The following CCNB3 variants were observed in gnomAD, a reference collection of about 807,000 sequenced individuals.
CCNB3 encodes the protein cyclin B3, also known as G2/mitotic-specific cyclin-B3.
Under a neutral mutation model 68.0 loss-of-function variants are expected in CCNB3, and 12 were observed. The observed-to-expected ratio is 0.18, with a 90% confidence interval of 0.11 to 0.29. The LOEUF (loss-of-function observed/expected upper bound fraction) is 0.29, where lower values mean the gene tolerates loss of function less well. Ranked by LOEUF, CCNB3 falls within the 10% of genes least tolerant of loss-of-function variation. The pLI is 1.00. For synonymous variants in CCNB3, 354 were observed against 388.9 expected (o/e 0.91, Z 1.06); for missense variants, 904 against 993.1 (o/e 0.91, Z 1.21).
chrX:50,226,807 A>G (rs1260399729), intron 1 of CCNB3, among the ~76,000 whole-genome samples: 156 of 77,547 alleles, frequency 2.0e-3, no homozygotes, highest in Non-Finnish European at 3.2e-3. Context: ...ATATATATAT[A>G]GAGTATATAT....
intron 8 of CCNB3, among the ~76,000 whole-genome samples, chrX:50,337,928 G>A (rs1271052025): frequency 1.8e-5 from 2 of 112,248 alleles, no homozygotes; most frequent in Non-Finnish European, 3.8e-5. Context: ...GTGCAGGCAC[G>A]TCATGGGTGA....
intron 5 of CCNB3, among the ~76,000 whole-genome samples, chrX:50,305,941 CTTTTT>C (rs782315666): frequency 1.2e-5 from 1 of 81,243 alleles, no homozygotes; most frequent in African/African-American, 4.6e-5. Flanking sequence ...ACCACACCAG[CTTTTT>C]TTTTTTTTTT....
At chrX:50,349,010 C>G (rs1557220780) in intron 11 of CCNB3, among the ~76,000 whole-genome samples, 2 of 112,923 alleles carry the variant, frequency 1.8e-5, no homozygotes, top group African/African-American at 6.4e-5. Flanking sequence ...GGTGACTAAA[C>G]CAGGGCATAT....
At chrX:50,203,570 C>T (rs1348800901), upstream of CCNB3, among the ~76,000 whole-genome samples, 1 of 112,382 alleles carries the variant, frequency 8.9e-6, no homozygotes, top group African/African-American at 3.2e-5. Flanking sequence ...TTCATGCAAC[C>T]ATACTAAAGT....
chrX:50,280,031 A>C (rs1300643540), intron 1 of CCNB3, among the ~76,000 whole-genome samples: 1 of 84,439 alleles, frequency 1.2e-5, no homozygotes, highest in Non-Finnish European at 2.1e-5. Flanking sequence ...AATATATATA[A>C]ATATATAGAC....
At chrX:50,296,852 T>C (rs1341348804) in intron 5 of CCNB3, among the ~76,000 whole-genome samples, 1 of 106,931 alleles carries the variant, frequency 9.4e-6, no homozygotes, top group Non-Finnish European at 1.9e-5. Context: ...CTCATTGTGG[T>C]TTTGATTTGC....
At chrX:50,279,543 ATATATATAAATATATGAATATATATTTTC>A (rs1486938743) in intron 1 of CCNB3, among the ~76,000 whole-genome samples, 1 of 84,841 alleles carries the variant, frequency 1.2e-5, no homozygotes, top group East Asian at 3.4e-4. Context: ...ATATATATTC[ATATATATAAATATATGAATATATATTTTC>A]TATATATAAA....
intron 3 of CCNB3, among the ~76,000 whole-genome samples, chrX:50,286,904 T>C (rs1936250435): frequency 8.9e-6 from 1 of 112,497 alleles, no homozygotes; most frequent in Admixed American, 9.4e-5. Context: ...CGCCTCAGCC[T>C]CCCAAAGTGC....
intron 11 of CCNB3, 123 bp downstream of exon 11, chrX:50,347,898 A>G (rs1265581895): frequency 3.1e-6 from 2 of 655,645 alleles, no homozygotes; most frequent in African/African-American, 4.5e-5. Flanking sequence ...CATATTCACC[A>G]CTGTGAACTC....
intron 5 of CCNB3, among the ~76,000 whole-genome samples, chrX:50,298,154 A>C (rs1353513579): frequency 9.0e-6 from 1 of 111,481 alleles, no homozygotes; most frequent in Non-Finnish European, 1.9e-5. Flanking sequence ...CCTGGCCAGA[A>C]CTTCCAACAC....
In CCNB3 at chrX:50,227,442, A is replaced by C. The variant is rs917709887; in HGVS notation, c.-113+22492A>C. ...ATTTATAAATATATACAGAGAATAT[A>C]TACAAATATATATAGAGAATATATA... On this transcript the variant is annotated intron_variant, in intron 1 of 12. Transcript: ENST00000376042. Among the ~76,000 whole-genome samples the C allele has an allele frequency of 1.0e-4, 9 of 88,561 alleles. No homozygotes were observed. The Admixed American group carries it at 1.3e-3, about 12-fold the overall frequency. The allele number at this position is 88,561 out of a possible 115,157, so 76.9% of individuals were successfully genotyped here.
chrX:50,321,654 GTCTAC>G (rs1213231424), intron 8 of CCNB3, among the ~76,000 whole-genome samples: 1 of 110,472 alleles, frequency 9.1e-6, no homozygotes, highest in Non-Finnish European at 1.9e-5. Context: ...TATATTATTT[GTCTAC>G]TCTAACATCA....
intron 1 of CCNB3, among the ~76,000 whole-genome samples, chrX:50,217,726 C>A (rs1935602048): frequency 8.9e-6 from 1 of 111,883 alleles, no homozygotes; most frequent in African/African-American, 3.2e-5. Context: ...ATTTTTACTT[C>A]TATTAGAAAT....
Position 50,310,323 on chromosome X carries a change from C to G in CCNB3, c.2154C>G (p.Thr718=). ...TGTTGGCTTTGCAGGAGAAAAGCACCATGGAAGAAGAGTCCCTTATCAATA... is the reference window on the plus strand; with the variant it reads ...TGTTGGCTTTGCAGGAGAAAAGCACGATGGAAGAAGAGTCCCTTATCAATA... ...KNLLALQEKS[T]MEEESLINKL... Residue 718 remains threonine, a synonymous_variant, in exon 6 of 13, where the codon ACC becomes ACG. Transcript: ENST00000376042. 1.7e-6 allele frequency: 2 copies of G among 1,211,656 alleles called. No individual in the cohort carries two copies. The highest frequency in any genetic ancestry group is 3.5e-5 in the African/African-American group (2 of 57,908).
chrX:50,337,504 C>G (rs1380636192), intron 8 of CCNB3, among the ~76,000 whole-genome samples: 3 of 111,145 alleles, frequency 2.7e-5, no homozygotes, highest in African/African-American at 9.8e-5. Flanking sequence ...CCCTGGCTTA[C>G]AGGTTCCCCT....
intron 1 of CCNB3, among the ~76,000 whole-genome samples, chrX:50,227,880 G>A (rs1344052582): frequency 1.3e-5 from 1 of 76,223 alleles, no homozygotes; most frequent in Non-Finnish European, 2.3e-5. Context: ...TAAATATATA[G>A]AGAGAAAATA....
chrX:50,289,052 G>T (rs782399882), intron 4 of CCNB3, among the ~76,000 whole-genome samples, 165 bp downstream of exon 4: 1 of 111,821 alleles, frequency 8.9e-6, no homozygotes, highest in Non-Finnish European at 1.9e-5. Context: ...TCTGTTCCTG[G>T]CACATACCAT....
At chrX:50,300,213 A>G (rs1202761052) in intron 5 of CCNB3, among the ~76,000 whole-genome samples, 3 of 111,614 alleles carry the variant, frequency 2.7e-5, no homozygotes, top group Non-Finnish European at 5.6e-5. Context: ...TAGTTGGTGC[A>G]GTTTCTTCCT....
intron 8 of CCNB3, among the ~76,000 whole-genome samples, chrX:50,326,240 T>G (rs917332141): frequency 8.9e-6 from 1 of 111,850 alleles, no homozygotes; most frequent in Non-Finnish European, 1.9e-5. Flanking sequence ...TCATTCCTTC[T>G]TCTGATTTTA....
Sources: gnomAD v4.1 joint callset for allele counts (sites outside exome capture counted in the v4.1 genomes callset) on GRCh38, gnomAD v4.1.1 for gene constraint, MANE v1.5 for transcripts, NCBI Gene and HGNC (gene_info 2026-07-23, HGNC 2026-07-21) for gene names.